Variants in PROS1 observed in about 807,000 individuals in gnomAD.
PROS1 encodes the protein protein S, also known as vitamin K-dependent protein S.
Under a neutral mutation model 75.9 loss-of-function variants are expected in PROS1, and 29 were observed. The ratio of observed to expected loss-of-function variants is 0.38; its 90% CI spans 0.28 to 0.52. The LOEUF (loss-of-function observed/expected upper bound fraction) is 0.52, where lower values mean the gene tolerates loss of function less well. Ranked by LOEUF, PROS1 falls within the 20% of genes least tolerant of loss-of-function variation. The pLI is 0.83. For synonymous variants in PROS1, 245 were observed against 280.6 expected (o/e 0.87, Z 1.27); for missense variants, 680 against 810.3 (o/e 0.84, Z 1.95).
chr3:93,918,439 T>C (rs1576193902), intron 3 of PROS1, among the ~76,000 whole-genome samples: 1 of 152,160 alleles, frequency 6.6e-6, no homozygotes, highest in East Asian at 1.9e-4. Context: ...TTGCTGCTGC[T>C]CACTCTTTGG....
chr3:93,945,848 AG>A (rs1237935788), intron 1 of PROS1, among the ~76,000 whole-genome samples: 2 of 152,228 alleles, frequency 1.3e-5, no homozygotes, highest in African/African-American at 4.8e-5. Context: ...GCATTCAAGT[AG>A]GAAAAGAGGA....
At chr3:93,931,270 T>C (rs1709101439) in intron 1 of PROS1, among the ~76,000 whole-genome samples, 1 of 152,218 alleles carries the variant, frequency 6.6e-6, no homozygotes, top group Admixed American at 6.5e-5. Flanking sequence ...TTTTCTTGAG[T>C]GTATTCTGCT....
chr3:93,921,483 C>A (rs1227864889), intron 3 of PROS1, among the ~76,000 whole-genome samples: 2 of 152,046 alleles, frequency 1.3e-5, no homozygotes, highest in African/African-American at 2.4e-5. Flanking sequence ...TGGAAGAGTT[C>A]ATTTGTAAAA....
intron 1 of PROS1, among the ~76,000 whole-genome samples, chr3:93,949,646 T>C (rs1165390839): frequency 6.6e-6 from 1 of 151,978 alleles, no homozygotes. Context: ...ACAACATAAT[T>C]AGGCATTTCA....
At chr3:93,901,400 A>G (rs1355627419) in intron 6 of PROS1, among the ~76,000 whole-genome samples, 2 of 152,224 alleles carry the variant, frequency 1.3e-5, no homozygotes, top group African/African-American at 4.8e-5. Context: ...TAAGGTCTCT[A>G]AGTACTTATA....
At position 93,927,349 on chromosome 3, in the gene PROS1, T is replaced by TA; in HGVS notation, c.134dup (p.Leu45PhefsTer3). ...GATTACCCTGTTTGGTTTCTTCAAG[T>TA]AAAGAATTTGCACGACGCTTCCTAA... On this transcript the variant is annotated frameshift_variant, in exon 2 of 15. Coordinates refer to ENST00000394236, the MANE Select transcript of PROS1 (RefSeq NM_000313.4). LOFTEE classifies it high-confidence loss of function. 1 of 1,613,822 alleles carries TA rather than the reference T, an allele frequency of 6.2e-7. No homozygotes were observed. The highest frequency in any genetic ancestry group is 1.1e-5 in the South Asian group (1 of 91,044).
At position 93,879,241 on chromosome 3, in the gene PROS1, A is replaced by T. The variant is rs753144615; in HGVS notation, c.1566T>A (p.Val522=). The part of the protein sequence containing the change: ...LNIRPSTGTG[V]MLALVSGNNT... ...TGTTACCAGAAACCAAGGCAAGCAT[A>T]ACACCAGTGCCCGTGGATGGACGAA... is the stretch of plus-strand genomic sequence containing the variant. Residue 522 remains valine (V), a synonymous_variant, in exon 13 of 15, where the codon GTT becomes GTA. Transcript: ENST00000394236. 2.5e-6 allele frequency: 4 copies of T among 1,614,058 alleles called. No homozygotes were observed. In the African/African-American group the frequency reaches 5.3e-5, roughly 22 times the overall value.
intron 12 of PROS1, among the ~76,000 whole-genome samples, chr3:93,884,117 T>G (rs1708311932): frequency 6.6e-6 from 1 of 152,212 alleles, no homozygotes; most frequent in African/African-American, 2.4e-5. Context: ...ATATTCTTTA[T>G]CTCAGTCTCT....
intron 1 of PROS1, among the ~76,000 whole-genome samples, chr3:93,935,012 C>T (rs1417939131): frequency 4.6e-5 from 7 of 151,816 alleles, no homozygotes; most frequent in East Asian, 3.9e-4. Flanking sequence ...AAGCAGTACA[C>T]GTTAGTTATT....
intron 1 of PROS1, among the ~76,000 whole-genome samples, chr3:93,946,021 A>G (rs1398160354): frequency 1.3e-5 from 2 of 152,338 alleles, no homozygotes; most frequent in Admixed American, 1.3e-4. Context: ...AATAACAGAC[A>G]GAGAGCCAAA....
At chr3:93,937,402 C>A (rs1464501208) in intron 1 of PROS1, among the ~76,000 whole-genome samples, 1 of 146,026 alleles carries the variant, frequency 6.8e-6, no homozygotes, top group Non-Finnish European at 1.5e-5. Flanking sequence ...GAGTCTCACT[C>A]TGTCGCCCAG....
intron 9 of PROS1, among the ~76,000 whole-genome samples, chr3:93,895,295 T>C (rs1223296809): frequency 6.6e-6 from 1 of 152,206 alleles, no homozygotes; most frequent in Non-Finnish European, 1.5e-5. Context: ...AAAAGTGTTA[T>C]TTACTAGAAC....
At chr3:93,910,489 T>A in intron 4 of PROS1, 130 bp downstream of exon 4, 1 of 770,048 alleles carries the variant, frequency 1.3e-6, no homozygotes, top group Non-Finnish European at 2.2e-6. Flanking sequence ...TTGAAAATAC[T>A]TCCTTGCTGG....
chr3:93,901,555 CAT>C (rs375611989), intron 6 of PROS1, among the ~76,000 whole-genome samples: 5 of 152,112 alleles, frequency 3.3e-5, no homozygotes, highest in South Asian at 2.1e-4. Context: ...GAAAACAAAA[CAT>C]GTGACAGAAA....
intron 1 of PROS1, among the ~76,000 whole-genome samples, chr3:93,944,806 C>A (rs1709352580): frequency 6.6e-6 from 1 of 151,870 alleles, no homozygotes; most frequent in Non-Finnish European, 1.5e-5. Flanking sequence ...TAACTAAGAT[C>A]AGAGCAGAAC....
chr3:93,953,080 A>G (rs534826795), intron 1 of PROS1, among the ~76,000 whole-genome samples: 207 of 152,294 alleles, frequency 1.4e-3, no homozygotes, highest in African/African-American at 4.8e-3. Flanking sequence ...AATTGAGGCA[A>G]TAATGAATAG....
chr3:93,883,135 A>G (rs1708296356), intron 12 of PROS1, among the ~76,000 whole-genome samples: 4 of 152,178 alleles, frequency 2.6e-5, no homozygotes, highest in African/African-American at 9.7e-5. Flanking sequence ...TTGTACGACA[A>G]CAACATAGAA....
At chr3:93,917,485 C>A (rs548959943) in intron 3 of PROS1, among the ~76,000 whole-genome samples, 1 of 152,198 alleles carries the variant, frequency 6.6e-6, no homozygotes, top group Non-Finnish European at 1.5e-5. Context: ...GCTCTGGGCA[C>A]CTTTTCTGCC....
At chr3:93,881,950 T>C (rs964723639) in intron 12 of PROS1, among the ~76,000 whole-genome samples, 4 of 151,996 alleles carry the variant, frequency 2.6e-5, no homozygotes, top group African/African-American at 9.7e-5. Context: ...CAATTTATAA[T>C]GCAAAGTGTT....
Sources: gnomAD v4.1 joint callset for allele counts (sites outside exome capture counted in the v4.1 genomes callset) on GRCh38, gnomAD v4.1.1 for gene constraint, MANE v1.5 for transcripts, NCBI Gene and HGNC (gene_info 2026-07-23, HGNC 2026-07-21) for gene names.